Variants in CNGB1 observed in about 807,000 individuals in gnomAD.
CNGB1 encodes the protein cyclic nucleotide gated channel subunit beta 1.
CNGB1 carries 126 observed loss-of-function variants against 151.7 expected under a neutral mutation model. That is an observed-to-expected ratio of 0.83 (90% CI 0.72 to 0.96). CNGB1 has a LOEUF of 0.96. CNGB1 is among the 40% of genes least tolerant of loss of function. The pLI is 0.00. For missense variants in CNGB1, 1,698 were observed against 1,627.0 expected, an observed-to-expected ratio of 1.04 and a Z score of -0.75; for synonymous variants, 623 against 635.1, an observed-to-expected ratio of 0.98 and a Z score of 0.29.
At chr16:57,970,740 G>C (rs1169633907) in intron 1 of CNGB1, among the ~76,000 whole-genome samples, 1 of 152,196 alleles carries the variant, frequency 6.6e-6, no homozygotes, top group Non-Finnish European at 1.5e-5. Context: ...TGATGAGGGA[G>C]GCTCAGGTGG....
At chr16:57,927,693 C>T (rs1481940740) in intron 17 of CNGB1, among the ~76,000 whole-genome samples, 1 of 152,200 alleles carries the variant, frequency 6.6e-6, no homozygotes, top group Non-Finnish European at 1.5e-5. Context: ...AAGCCAGAGG[C>T]TTAGATTCCA....
chr16:57,955,009 A>C, intron 12 of CNGB1: 1 of 1,147,690 alleles, frequency 8.7e-7, no homozygotes, highest in African/African-American at 1.6e-5. Context: ...TCAGCCTCCC[A>C]AAGTGCTGGG....
At chr16:57,943,719 T>C (rs1377510622) in intron 14 of CNGB1, among the ~76,000 whole-genome samples, 1 of 152,110 alleles carries the variant, frequency 6.6e-6, no homozygotes, top group Non-Finnish European at 1.5e-5. Context: ...AGGGAACACT[T>C]ACACACTGTT....
chr16:57,936,801 A>AAAAG (rs1555491479), intron 16 of CNGB1, among the ~76,000 whole-genome samples: 4 of 151,320 alleles, frequency 2.6e-5, no homozygotes, highest in African/African-American at 9.7e-5. Context: ...CAAACAAACA[A>AAAAG]AAAAAAAACA....
Position 57,917,955 on chromosome 16 carries a change from A to G in CNGB1, c.1958-479T>C, listed in dbSNP as rs139457838. On this transcript the variant is annotated intron_variant, in intron 20 of 32. Transcript: ENST00000251102. ...TTTTATTCTTCTTTAATTTTTTCCC[A>G]AAATGTATTTTCTTCCTCAGTAAAT... Among the ~76,000 whole-genome samples the G allele has an allele frequency of 8.9e-3, 1,351 of 152,142 alleles. 6 individuals carry two copies. Among genetic ancestry groups the G allele is most frequent in the Middle Eastern group, 0.027 (8 of 294 alleles).
At chr16:57,902,007 GTC>G (rs1793049948) in intron 27 of CNGB1, among the ~76,000 whole-genome samples, 1 of 152,168 alleles carries the variant, frequency 6.6e-6, no homozygotes, top group African/African-American at 2.4e-5. Flanking sequence ...AAGAACTAAA[GTC>G]TCTGGAGCAC....
chr16:57,950,686 A>G (rs1961927064), intron 12 of CNGB1, 146 bp from the exon 13 acceptor site: 3 of 781,110 alleles, frequency 3.8e-6, no homozygotes, highest in East Asian at 2.6e-5. Flanking sequence ...GGCACTTTCC[A>G]TTTTCAGCGG....
At chr16:57,892,340 G>C (rs563793802) in intron 31 of CNGB1, among the ~76,000 whole-genome samples, 2 of 152,284 alleles carry the variant, frequency 1.3e-5, no homozygotes, top group South Asian at 4.1e-4. Flanking sequence ...CTACCTCCCT[G>C]TCCCTGGGGA....
At chr16:57,911,434 G>T (rs1408227812) in intron 25 of CNGB1, among the ~76,000 whole-genome samples, 1 of 152,124 alleles carries the variant, frequency 6.6e-6, no homozygotes, top group East Asian at 1.9e-4. Context: ...GATTACAGGT[G>T]TGCATCACCA....
chr16:57,954,556 A>T, intron 12 of CNGB1: 2 of 459,274 alleles, frequency 4.4e-6, no homozygotes, highest in Non-Finnish European at 5.7e-6. Flanking sequence ...ACCCCTGGCT[A>T]ATTCCTCTCC....
At chr16:57,884,536 C>T in intron 32 of CNGB1, 79 bp from the exon 33 acceptor site, 2 of 1,544,916 alleles carry the variant, frequency 1.3e-6, no homozygotes, top group South Asian at 1.1e-5. Flanking sequence ...CTCCCTGTTC[C>T]AGCCTTTTTG....
intron 7 of CNGB1, among the ~76,000 whole-genome samples, chr16:57,961,621 G>A (rs528258232): frequency 6.9e-6 from 1 of 145,614 alleles, no homozygotes; most frequent in South Asian, 2.3e-4. Context: ...CAGAGAGAGA[G>A]CTGCAGCAAG....
intron 14 of CNGB1, among the ~76,000 whole-genome samples, chr16:57,944,951 T>TAAAA (rs367717137): frequency 2.7e-4 from 28 of 104,354 alleles, no homozygotes; most frequent in African/African-American, 1.1e-3. Context: ...ACTCTGTCTT[T>TAAAA]AAAAAAAAAA....
intron 4 of CNGB1, 66 bp from the exon 5 acceptor site, chr16:57,963,130 A>G (rs1440291488): frequency 1.1e-5 from 13 of 1,178,496 alleles, no homozygotes; most frequent in Non-Finnish European, 1.7e-5. Flanking sequence ...CTCGAGGCCC[A>G]AGACACTAGG....
chr16:57,904,696 G>T, intron 26 of CNGB1, 38 bp downstream of exon 26: 1 of 1,613,538 alleles, frequency 6.2e-7, no homozygotes, highest in Non-Finnish European at 8.5e-7. Flanking sequence ...GGGCCCTGCA[G>T]TCAGGTGGGG....
chr16:57,927,064 C>A (rs867604543), intron 17 of CNGB1, among the ~76,000 whole-genome samples: 3 of 152,210 alleles, frequency 2.0e-5, no homozygotes, highest in Non-Finnish European at 4.4e-5. Flanking sequence ...AGGACCTAAG[C>A]TGGCAGCTTC....
chr16:57,905,692 G>A (rs978810072), intron 25 of CNGB1, among the ~76,000 whole-genome samples: 1 of 152,262 alleles, frequency 6.6e-6, no homozygotes, highest in Non-Finnish European at 1.5e-5. Context: ...ATAGATTAAA[G>A]CTGTTACAAA....
At position 57,949,372 on chromosome 16, in the gene CNGB1, C is replaced by T; in HGVS notation, c.1102G>A (p.Glu368Lys). The change falls in exon 14 of 33, where the codon GAA becomes AAA. Residue 368 changes from glutamate (E) to lysine (K), a missense_variant. By Grantham distance (56) the Glu-to-Lys change is moderately conservative. Coordinates refer to ENST00000251102, the MANE Select transcript of CNGB1 (RefSeq NM_001297.5). The stretch of plus-strand genomic sequence containing the variant: ...ACTTACTCAGTCACCTCCTCCTCTT[C>T]CTCCTCCTCCTCCTCTTCCTCTTCC... ...EEEEEEEEEE[E>K]EEEVTEVLLD... 1 of 1,603,978 alleles carries T rather than the reference C, an allele frequency of 6.2e-7. No individual in the cohort carries two copies.
At chr16:57,942,382 G>T (rs1366028593) in intron 14 of CNGB1, among the ~76,000 whole-genome samples, 4 of 151,998 alleles carry the variant, frequency 2.6e-5, no homozygotes, top group Non-Finnish European at 5.9e-5. Flanking sequence ...ATTCAGTAAA[G>T]TTGCAGGATA....
Sources: gnomAD v4.1 joint callset for allele counts (sites outside exome capture counted in the v4.1 genomes callset) on GRCh38, gnomAD v4.1.1 for gene constraint, MANE v1.5 for transcripts, NCBI Gene and HGNC (gene_info 2026-07-23, HGNC 2026-07-21) for gene names.